The following GPBP1L1 variants were observed in gnomAD, a reference collection of about 807,000 sequenced individuals.
GPBP1L1 encodes vasculin-like protein 1.
Under a neutral mutation model 52.5 loss-of-function variants are expected in GPBP1L1, and 23 were observed. That is an observed-to-expected ratio of 0.44 (90% CI 0.32 to 0.62). GPBP1L1 has a LOEUF of 0.62. Ranked by LOEUF, GPBP1L1 falls within the 20% of genes least tolerant of loss-of-function variation. GPBP1L1 has a pLI of 0.06. For synonymous variants in GPBP1L1, 243 were observed against 203.1 expected (o/e 1.20, Z -1.67); for missense variants, 596 against 579.3 (o/e 1.03, Z -0.30).
At chr1:45,677,551 G>A (rs951644627) in intron 2 of GPBP1L1, among the ~76,000 whole-genome samples, 1 of 151,818 alleles carries the variant, frequency 6.6e-6, no homozygotes, top group African/African-American at 2.4e-5. Context: ...TGATTAACAT[G>A]GATATGTAAA....
intron 2 of GPBP1L1, among the ~76,000 whole-genome samples, chr1:45,672,560 C>G (rs1645086676): frequency 6.6e-6 from 1 of 152,052 alleles, no homozygotes; most frequent in African/African-American, 2.4e-5. Context: ...TAGGTGCCTA[C>G]CAGACATCGA....
intron 8 of GPBP1L1, among the ~76,000 whole-genome samples, chr1:45,639,682 C>G (rs575180675): frequency 6.6e-5 from 10 of 151,960 alleles, no homozygotes; most frequent in Admixed American, 2.0e-4. Context: ...TGAGACCATC[C>G]TGGCTAACAA....
intron 2 of GPBP1L1, among the ~76,000 whole-genome samples, chr1:45,680,540 A>G (rs996222256): frequency 7.9e-5 from 12 of 152,076 alleles, no homozygotes; most frequent in Non-Finnish European, 1.5e-5. Flanking sequence ...TGACCAGCTG[A>G]GACATACTTT....
intron 7 of GPBP1L1, among the ~76,000 whole-genome samples, chr1:45,640,648 T>C (rs966506366): frequency 4.6e-5 from 7 of 152,182 alleles, no homozygotes; most frequent in Admixed American, 4.6e-4. Context: ...CCAAAGATGT[T>C]AGCAGTCCTT....
chr1:45,675,063 C>G (rs897044153), intron 2 of GPBP1L1, among the ~76,000 whole-genome samples: 1 of 152,086 alleles, frequency 6.6e-6, no homozygotes. Context: ...CATTGGGAGG[C>G]CGAGGTGGGC....
In GPBP1L1 at chr1:45,634,279, A is replaced by G. The variant is rs374820900; in HGVS notation, c.745-43T>C. The G allele has an allele frequency of 2.0e-6, 3 of 1,538,182 alleles. No individual in the cohort carries two copies. The African/African-American group carries it at 4.1e-5, about 21-fold the overall frequency. ...ACAAATCAGTCAGAACAAGCACACAAACAGAAGCTCAGCTTATAAAATCAT... is the reference window on the plus strand; with the variant it reads ...ACAAATCAGTCAGAACAAGCACACAGACAGAAGCTCAGCTTATAAAATCAT... On this transcript the variant is annotated intron_variant, in intron 8 of 12. Transcript: ENST00000355105.
intron 2 of GPBP1L1, among the ~76,000 whole-genome samples, chr1:45,672,252 C>T (rs1645082716): frequency 6.6e-6 from 1 of 151,348 alleles, no homozygotes; most frequent in South Asian, 2.1e-4. Flanking sequence ...GTCCCAACTA[C>T]TCGGGAGGCT....
At chr1:45,669,988 T>C (rs1290892479) in intron 2 of GPBP1L1, among the ~76,000 whole-genome samples, 2 of 152,236 alleles carry the variant, frequency 1.3e-5, no homozygotes, top group African/African-American at 4.8e-5. Flanking sequence ...TGGAACATAG[T>C]AGATAAATAT....
At chr1:45,643,373 G>A (rs1318070916) in intron 6 of GPBP1L1, among the ~76,000 whole-genome samples, 1 of 152,168 alleles carries the variant, frequency 6.6e-6, no homozygotes, top group Admixed American at 6.5e-5. Flanking sequence ...TACAGGTAAT[G>A]AGGATCCATC....
chr1:45,648,803 G>A (rs1349443471), intron 6 of GPBP1L1, among the ~76,000 whole-genome samples: 1 of 152,162 alleles, frequency 6.6e-6, no homozygotes, highest in South Asian at 2.1e-4. Context: ...TGAGGCAGGC[G>A]GATCACTTGA....
chr1:45,670,812 A>C (rs1193310169), intron 2 of GPBP1L1, among the ~76,000 whole-genome samples: 1 of 100,554 alleles, frequency 9.9e-6, no homozygotes, highest in Non-Finnish European at 1.9e-5. Context: ...TTTTTTTGTG[A>C]GATGGAGTCT....
At chr1:45,646,750 G>A (rs968736375) in intron 6 of GPBP1L1, among the ~76,000 whole-genome samples, 1 of 151,848 alleles carries the variant, frequency 6.6e-6, no homozygotes, top group African/African-American at 2.4e-5. Context: ...GTAGAGACAG[G>A]GTTTCAACAT....
chr1:45,682,232 T>C (rs1418197349), intron 2 of GPBP1L1, among the ~76,000 whole-genome samples: 1 of 152,206 alleles, frequency 6.6e-6, no homozygotes, highest in African/African-American at 2.4e-5. Flanking sequence ...ACTTTAAAGA[T>C]AGCAATAATT....
At chr1:45,673,755 G>C (rs370610609) in intron 2 of GPBP1L1, among the ~76,000 whole-genome samples, 2 of 152,136 alleles carry the variant, frequency 1.3e-5, no homozygotes, top group Non-Finnish European at 2.9e-5. Flanking sequence ...CCAGCTAGTC[G>C]GGAGGTTGAG....
chr1:45,655,759 T>C (rs192475161), intron 4 of GPBP1L1: 1 of 154,420 alleles, frequency 6.5e-6, no homozygotes, highest in East Asian at 1.9e-4. Flanking sequence ...GGGAGGTCAG[T>C]AGTAATTACA....
At chr1:45,682,825 C>T (rs935695150) in intron 2 of GPBP1L1, among the ~76,000 whole-genome samples, 28 of 152,228 alleles carry the variant, frequency 1.8e-4, no homozygotes, top group African/African-American at 6.7e-4. Context: ...AGTTCAGTTC[C>T]TCTTACTGAA....
chr1:45,655,722 T>G (rs1255830512), intron 4 of GPBP1L1: 1 of 158,664 alleles, frequency 6.3e-6, no homozygotes, highest in Non-Finnish European at 1.4e-5. Flanking sequence ...GGAATAAGGG[T>G]GAAGGCAACG....
intron 6 of GPBP1L1, among the ~76,000 whole-genome samples, chr1:45,653,299 C>G (rs904553376): frequency 6.6e-6 from 1 of 151,980 alleles, no homozygotes; most frequent in South Asian, 2.1e-4. Flanking sequence ...TTTGGGAGGC[C>G]GAGGTGGGAA....
At chr1:45,651,487 A>T in intron 6 of GPBP1L1, 1 of 469,724 alleles carries the variant, frequency 2.1e-6, no homozygotes, top group South Asian at 2.2e-5. Flanking sequence ...CTGGGCCAAT[A>T]GCCTCTGCTT....
Sources: allele counts gnomAD v4.1 joint callset (sites outside exome capture counted in the v4.1 genomes callset), GRCh38; gene constraint gnomAD v4.1.1; transcripts MANE v1.5; gene names NCBI Gene and HGNC (gene_info 2026-07-23, HGNC 2026-07-21).